The following PLXDC1 variants were observed in gnomAD, a reference collection of about 807,000 sequenced individuals.
PLXDC1 encodes plexin domain-containing protein 1.
Under a neutral mutation model 61.3 loss-of-function variants are expected in PLXDC1, and 39 were observed. That is an observed-to-expected ratio of 0.64 (90% CI 0.49 to 0.83). PLXDC1 has a LOEUF of 0.83. Ranked by LOEUF, PLXDC1 falls within the 40% of genes least tolerant of loss-of-function variation. The pLI, the probability that PLXDC1 is intolerant of heterozygous loss-of-function variation, is 0.00. For synonymous variants in PLXDC1, 212 were observed against 254.5 expected (o/e 0.83, Z 1.59); for missense variants, 596 against 666.5 (o/e 0.89, Z 1.17).
intron 2 of PLXDC1, among the ~76,000 whole-genome samples, chr17:39,116,878 G>A (rs16235): frequency 0.35 from 53,490 of 152,076 alleles, 9,947 homozygotes; most frequent in Admixed American, 0.45. Context: ...GAGAAACCTC[G>A]CACCAAGAGT....
chr17:39,115,241 C>A (rs1007349543), intron 2 of PLXDC1, among the ~76,000 whole-genome samples: 4 of 152,206 alleles, frequency 2.6e-5, no homozygotes, highest in African/African-American at 9.7e-5. Context: ...CAAGGAAAGT[C>A]AGAAATGAAA....
Position 39,077,979 on chromosome 17 carries a change from T to C in PLXDC1, c.1120A>G (p.Ser374Gly). The C allele has an allele frequency of 6.2e-7, 1 of 1,613,928 alleles. No homozygotes were observed. The highest frequency in any genetic ancestry group is 8.5e-7 in the Non-Finnish European group (1 of 1,179,858). ...GTGGTGAGGTCTCCATCATAGGGGCTGAAGGAAGTGTCAGGGGAGGCTGAG... is the reference window on the plus strand; with the variant it reads ...GTGGTGAGGTCTCCATCATAGGGGCCGAAGGAAGTGTCAGGGGAGGCTGAG... ...HDSASPDTSF[S>G]PYDGDLTTTS... The change falls in exon 11 of 14, where the codon AGC (serine) becomes GGC (glycine). Residue 374 changes from serine to glycine, a missense_variant. By Grantham distance (56) the Ser-to-Gly change is moderately conservative. Coordinates refer to ENST00000315392, the MANE Select transcript of PLXDC1 (RefSeq NM_020405.5).
At chr17:39,070,751 G>A (rs1267841112) in intron 12 of PLXDC1, among the ~76,000 whole-genome samples, 1 of 152,200 alleles carries the variant, frequency 6.6e-6, no homozygotes, top group Non-Finnish European at 1.5e-5. Flanking sequence ...GCCGAGGCAG[G>A]CAGGTCACCT....
intron 7 of PLXDC1, among the ~76,000 whole-genome samples, chr17:39,101,916 C>T (rs1229021972): frequency 6.6e-6 from 1 of 152,040 alleles, no homozygotes; most frequent in Non-Finnish European, 1.5e-5. Context: ...CAAGTCTATG[C>T]CTGCTTACCA....
At chr17:39,133,183 G>C (rs994267240) in intron 2 of PLXDC1, among the ~76,000 whole-genome samples, 1 of 152,142 alleles carries the variant, frequency 6.6e-6, no homozygotes, top group Non-Finnish European at 1.5e-5. Context: ...CCAGGTTGGG[G>C]GTGGGCAGAT....
At chr17:39,140,344 C>T (rs949653966) in intron 1 of PLXDC1, among the ~76,000 whole-genome samples, 7 of 151,500 alleles carry the variant, frequency 4.6e-5, no homozygotes, top group Non-Finnish European at 8.8e-5. Flanking sequence ...CTCGCTCTGT[C>T]ACCCAGGCTG....
In PLXDC1 at chr17:39,109,408, T is replaced by C; in HGVS notation, c.256-17A>G. 6.4e-7 allele frequency: 1 copy of C among 1,570,514 alleles called. No individual in the cohort carries two copies. ...GTTGTCCTCCTGCCGGCACCCAAGA[T>C]AAAGCCCACAGGAGGTGTGAGTAGT... On this transcript the variant is annotated splice_polypyrimidine_tract_variant and intron_variant, in intron 2 of 13. Coordinates refer to ENST00000315392, the MANE Select transcript of PLXDC1 (RefSeq NM_020405.5).
At chr17:39,091,942 GAGTGAGACTCTATCTCAAAAAAA>G (rs1167733590) in intron 7 of PLXDC1, among the ~76,000 whole-genome samples, 12 of 121,902 alleles carry the variant, frequency 9.8e-5, no homozygotes, top group South Asian at 2.9e-4. Flanking sequence ...CTGGGCAACA[GAGTGAGACTCTATCTCAAAAAAA>G]AAAAAAAAAA....
intron 2 of PLXDC1, among the ~76,000 whole-genome samples, chr17:39,128,107 A>ATATATATATATATATAAATATATATG (rs1291982693): frequency 2.0e-5 from 2 of 100,628 alleles, no homozygotes. Context: ...GTATATATAT[A>ATATATATATATATATAAATATATATG]TATATATGTA....
intron 7 of PLXDC1, among the ~76,000 whole-genome samples, chr17:39,101,071 G>A (rs1167888336): frequency 6.6e-6 from 1 of 152,206 alleles, no homozygotes; most frequent in Non-Finnish European, 1.5e-5. Context: ...CATGGAGCAA[G>A]GGAAGCCACA....
chr17:39,131,487 A>C (rs1911560870), intron 2 of PLXDC1, among the ~76,000 whole-genome samples: 3 of 151,864 alleles, frequency 2.0e-5, no homozygotes, highest in Admixed American at 1.3e-4. Context: ...CGAGTAACTA[A>C]GATTATAGGC....
intron 9 of PLXDC1, among the ~76,000 whole-genome samples, chr17:39,082,491 G>C (rs1481219518): frequency 6.6e-6 from 1 of 151,840 alleles, no homozygotes; most frequent in Non-Finnish European, 1.5e-5. Flanking sequence ...CTTGAACTCA[G>C]GAGGTAAAGG....
At chr17:39,069,364 A>C (rs1909022642) in intron 13 of PLXDC1, among the ~76,000 whole-genome samples, 1 of 152,086 alleles carries the variant, frequency 6.6e-6, no homozygotes, top group Non-Finnish European at 1.5e-5. Flanking sequence ...TGGTTTCTCA[A>C]AGTGCTAGGA....
chr17:39,117,161 T>C (rs1910998550), intron 2 of PLXDC1, among the ~76,000 whole-genome samples: 1 of 152,216 alleles, frequency 6.6e-6, no homozygotes, highest in African/African-American at 2.4e-5. Flanking sequence ...AGTGACGGGA[T>C]GGCAGACAGT....
At chr17:39,121,752 T>TATGGCTAGGTATGGCTAC (rs1342167546) in intron 2 of PLXDC1, among the ~76,000 whole-genome samples, 1 of 152,090 alleles carries the variant, frequency 6.6e-6, no homozygotes, top group Non-Finnish European at 1.5e-5. Flanking sequence ...CAGCCCTCCT[T>TATGGCTAGGTATGGCTAC]ATGGCTAGGT....
intron 2 of PLXDC1, among the ~76,000 whole-genome samples, chr17:39,120,629 G>A (rs1911132337): frequency 7.7e-6 from 1 of 129,280 alleles, no homozygotes; most frequent in South Asian, 2.5e-4. Context: ...TTTTGAGACA[G>A]GGTCTCACTC....
chr17:39,100,276 C>T (rs1910375940), intron 7 of PLXDC1, among the ~76,000 whole-genome samples: 1 of 152,102 alleles, frequency 6.6e-6, no homozygotes, highest in Admixed American at 6.6e-5. Context: ...ACTCTTTCAC[C>T]CAGTGAAATC....
In PLXDC1 at chr17:39,084,702, G is replaced by A. The variant is rs114178611; in HGVS notation, c.908-1162C>T. ...GCTGGAATTAGTACGAATGAAGAGG[G>A]AGCGACAGCTGGGGCCCAGCCTGGG... On this transcript the variant is annotated intron_variant, in intron 8 of 13. Coordinates refer to ENST00000315392, the MANE Select transcript of PLXDC1 (RefSeq NM_020405.5). 1.4e-3 allele frequency among the ~76,000 whole-genome samples: 219 copies of A among 152,328 alleles called. 1 individual carries two copies. Among genetic ancestry groups the A allele is most frequent in the African/African-American group, 5.1e-3 (212 of 41,582 alleles).
intron 5 of PLXDC1, 99 bp downstream of exon 5, chr17:39,108,024 C>T: frequency 6.8e-7 from 1 of 1,480,018 alleles, no homozygotes; most frequent in East Asian, 2.3e-5. Flanking sequence ...TGCCGTGGGA[C>T]TGTGGGACCC....
Sources: gnomAD v4.1 joint callset for allele counts (sites outside exome capture counted in the v4.1 genomes callset) on GRCh38, gnomAD v4.1.1 for gene constraint, MANE v1.5 for transcripts, NCBI Gene and HGNC (gene_info 2026-07-23, HGNC 2026-07-21) for gene names.